GFOD1: variants seen among roughly 807,000 people sequenced by gnomAD.
GFOD1 encodes the protein Gfo/Idh/MocA-like oxidoreductase domain containing 1.
GFOD1 carries 9 observed loss-of-function variants against 25.4 expected under a neutral mutation model. The ratio of observed to expected loss-of-function variants is 0.35; its 90% CI spans 0.21 to 0.62. GFOD1 has a LOEUF of 0.62. GFOD1 is among the 20% of genes least tolerant of loss of function. The pLI is 0.72. For synonymous variants in GFOD1, 253 were observed against 245.6 expected, an observed-to-expected ratio of 1.03 and a Z score of -0.28; for missense variants, 403 against 556.9, an observed-to-expected ratio of 0.72 and a Z score of 2.78.
intron 1 of GFOD1, among the ~76,000 whole-genome samples, chr6:13,455,035 A>G (rs1352790002): frequency 6.6e-6 from 1 of 152,162 alleles, no homozygotes; most frequent in Non-Finnish European, 1.5e-5. Context: ...CTTCCGCTAG[A>G]GTTTAGGGTT....
intron 1 of GFOD1, among the ~76,000 whole-genome samples, chr6:13,471,633 T>C (rs1758507369): frequency 6.6e-6 from 1 of 152,136 alleles, no homozygotes; most frequent in African/African-American, 2.4e-5. Context: ...CTCTACTAAT[T>C]AGTATTGAGA....
At chr6:13,391,136 T>C (rs1785596839) in intron 1 of GFOD1, among the ~76,000 whole-genome samples, 1 of 152,170 alleles carries the variant, frequency 6.6e-6, no homozygotes, top group Non-Finnish European at 1.5e-5. Context: ...AAGGATATGA[T>C]TGGTTATTTC....
chr6:13,397,292 C>G (rs973263509), intron 1 of GFOD1, among the ~76,000 whole-genome samples: 2 of 152,208 alleles, frequency 1.3e-5, no homozygotes, highest in Non-Finnish European at 2.9e-5. Flanking sequence ...CCGGCAATTC[C>G]ACTCCTAGAA....
rs373384402 is a variant in GFOD1 at position 13,453,335 on chromosome 6, A to G, written c.253+33303T>C. Reference sequence around the variant, plus strand: ...TGCAAGCTCTTTAAAACCCAGAGCTATTATCACAGTCATTTTTGTATGCAC... The same window carrying G: ...TGCAAGCTCTTTAAAACCCAGAGCTGTTATCACAGTCATTTTTGTATGCAC... On this transcript the variant is annotated intron_variant, in intron 1 of 1. Transcript: ENST00000379287. Among the ~76,000 whole-genome samples the G allele has an allele frequency of 7.8e-4, 119 of 152,324 alleles. 2 individuals are homozygous for G. In the South Asian group the frequency reaches 0.023, roughly 29 times the overall value.
chr6:13,428,806 C>G lies in GFOD1; in HGVS notation c.253+57832G>C, dbSNP rs772244130. Among the ~76,000 whole-genome samples the G allele has an allele frequency of 2.0e-5, 3 of 152,312 alleles. No homozygotes were observed. The South Asian group carries it at 6.2e-4, about 32-fold the overall frequency. On this transcript the variant is annotated intron_variant, in intron 1 of 1. Transcript: ENST00000379287. ...AGCCCGGCTGTGAGCTGAAAGAGCT[C>G]CCTTTGGCCCTCCATCAGAAGCGGA...
At chr6:13,440,932 T>C (rs1757904545) in intron 1 of GFOD1, among the ~76,000 whole-genome samples, 1 of 152,206 alleles carries the variant, frequency 6.6e-6, no homozygotes, top group African/African-American at 2.4e-5. Flanking sequence ...CAGAAGGAAC[T>C]GCTGCAATCA....
intron 1 of GFOD1, among the ~76,000 whole-genome samples, chr6:13,419,181 C>T (rs778648765): frequency 6.6e-6 from 1 of 152,180 alleles, no homozygotes; most frequent in Non-Finnish European, 1.5e-5. Context: ...GATTCATGCC[C>T]ATTTGAGAGG....
chr6:13,375,070 T>C (rs1242165780), intron 1 of GFOD1, among the ~76,000 whole-genome samples: 1 of 152,166 alleles, frequency 6.6e-6, no homozygotes, highest in Non-Finnish European at 1.5e-5. Context: ...TATGATTTCT[T>C]TGTGTTGGGA....
intron 1 of GFOD1, among the ~76,000 whole-genome samples, chr6:13,478,567 G>A (rs1222512870): frequency 6.6e-6 from 1 of 152,230 alleles, no homozygotes; most frequent in African/African-American, 2.4e-5. Context: ...GGTGGTCTCC[G>A]CAGCATTTGG....
intron 1 of GFOD1, among the ~76,000 whole-genome samples, chr6:13,407,386 A>C (rs1785965772): frequency 6.6e-6 from 1 of 152,176 alleles, no homozygotes; most frequent in East Asian, 1.9e-4. Context: ...TTGATGAAGA[A>C]TCTTACACCC....
chr6:13,362,985 T>C lies in GFOD1; in HGVS notation c.*1758A>G, dbSNP rs558118105. On this transcript the variant is annotated 3_prime_UTR_variant, in exon 2 of 2. Coordinates refer to ENST00000379287, the MANE Select transcript of GFOD1 (RefSeq NM_018988.4). ...CCTCAGTTGCATGTAAAGACACCTGTTGGACTTCAGTGAGCCTGTGAACAA... is the reference window on the plus strand; with the variant it reads ...CCTCAGTTGCATGTAAAGACACCTGCTGGACTTCAGTGAGCCTGTGAACAA... 3.3e-5 allele frequency: 5 copies of C among 152,352 alleles called. No individual in the cohort carries two copies. The highest frequency in any genetic ancestry group is 1.2e-4 in the African/African-American group (5 of 41,584). The allele number at this position is 152,352 out of a possible 1,614,324, so 9.4% of individuals were successfully genotyped here.
At chr6:13,432,825 TCC>T (rs1757772854) in intron 1 of GFOD1, among the ~76,000 whole-genome samples, 1 of 152,142 alleles carries the variant, frequency 6.6e-6, no homozygotes, top group African/African-American at 2.4e-5. Context: ...TGCATCTGTC[TCC>T]CCTTCCTACA....
intron 1 of GFOD1, among the ~76,000 whole-genome samples, chr6:13,434,575 T>A (rs1043306550): frequency 6.6e-6 from 1 of 151,972 alleles, no homozygotes; most frequent in Admixed American, 6.5e-5. Context: ...CAAGGCTTTA[T>A]GGGAATACAG....
chr6:13,437,647 C>G (rs1036973165), intron 1 of GFOD1, among the ~76,000 whole-genome samples: 2 of 152,092 alleles, frequency 1.3e-5, no homozygotes, highest in Admixed American at 6.5e-5. Flanking sequence ...TATAATCAGC[C>G]CATTCAAAAA....
At chr6:13,422,415 T>A (rs899864975) in intron 1 of GFOD1, among the ~76,000 whole-genome samples, 3 of 152,076 alleles carry the variant, frequency 2.0e-5, no homozygotes, top group African/African-American at 7.2e-5. Flanking sequence ...CAAGTGACAC[T>A]TAGTGTCCCC....
In GFOD1 at chr6:13,370,534, C is replaced by G. The variant is rs192986026; in HGVS notation, c.254-4872G>C. 2.4e-3 allele frequency among the ~76,000 whole-genome samples: 371 copies of G among 152,208 alleles called. 3 individuals carry two copies. Among genetic ancestry groups the G allele is most frequent in the African/African-American group, 8.2e-3 (342 of 41,516 alleles). Reference sequence around the variant, plus strand: ...GCATTCTGGACAGTCTTCCCTTACCCTACCTCTCTCGGTGGGCTTCTGAAA... The same window carrying G: ...GCATTCTGGACAGTCTTCCCTTACCGTACCTCTCTCGGTGGGCTTCTGAAA... On this transcript the variant is annotated intron_variant, in intron 1 of 1. Coordinates refer to ENST00000379287, the MANE Select transcript of GFOD1 (RefSeq NM_018988.4).
chr6:13,484,989 T>C (rs1016455003), intron 1 of GFOD1, among the ~76,000 whole-genome samples: 6 of 152,224 alleles, frequency 3.9e-5, no homozygotes, highest in African/African-American at 1.2e-4. Flanking sequence ...TTATAAGATA[T>C]TTGATATGCA....
intron 1 of GFOD1, among the ~76,000 whole-genome samples, chr6:13,480,814 A>C (rs1047407199): frequency 6.6e-6 from 1 of 152,226 alleles, no homozygotes; most frequent in South Asian, 2.1e-4. Flanking sequence ...TAAGATCCCC[A>C]GGTGATACAA....
intron 1 of GFOD1, among the ~76,000 whole-genome samples, chr6:13,397,283 C>T (rs1169767431): frequency 2.0e-5 from 3 of 152,138 alleles, no homozygotes; most frequent in Admixed American, 1.3e-4. Flanking sequence ...CTCTAAAGCC[C>T]GGCAATTCCA....
Sources: gnomAD v4.1 joint callset for allele counts (sites outside exome capture counted in the v4.1 genomes callset) on GRCh38, gnomAD v4.1.1 for gene constraint, MANE v1.5 for transcripts, NCBI Gene and HGNC (gene_info 2026-07-23, HGNC 2026-07-21) for gene names.